Variants in ARF4 observed in about 807,000 individuals in gnomAD.
ARF4 encodes the protein ADP-ribosylation factor 4.
Under a neutral mutation model 24.3 loss-of-function variants are expected in ARF4, and 5 were observed. The observed-to-expected ratio is 0.21, with a 90% CI of 0.11 to 0.43. The LOEUF is 0.43. Ranked by LOEUF, ARF4 falls within the 20% of genes least tolerant of loss-of-function variation. The pLI, the probability that ARF4 is intolerant of heterozygous loss-of-function variation, is 1.00. For synonymous variants in ARF4, 62 were observed against 73.5 expected, an observed-to-expected ratio of 0.84 and a Z score of 0.80; for missense variants, 107 against 213.0, an observed-to-expected ratio of 0.50 and a Z score of 3.10.
rs539080074 is a variant in ARF4 at position 57,571,484 on chromosome 3, C to T, written c.*728G>A. 1 of 152,656 alleles carries T rather than the reference C, an allele frequency of 6.6e-6. No individual in the cohort carries two copies. The highest frequency in any genetic ancestry group is 1.5e-5 in the Non-Finnish European group (1 of 68,018). The allele number at this position is 152,656 out of a possible 1,614,324, so 9.5% of individuals were successfully genotyped here. ...AGATATGTCTGCCCAATAAACAAAA[C>T]ATCAGCAGAACTATCATATACTGAG... On this transcript the variant is annotated 3_prime_UTR_variant, in exon 6 of 6. Transcript: ENST00000303436.
chr3:57,572,479 G>A (rs1462735274), intron 5 of ARF4, among the ~76,000 whole-genome samples, 181 bp from the exon 6 acceptor site: 4 of 152,148 alleles, frequency 2.6e-5, no homozygotes, highest in African/African-American at 9.7e-5. Flanking sequence ...CCAGCACTTT[G>A]GGAGGCGGAG....
intron 5 of ARF4, among the ~76,000 whole-genome samples, chr3:57,572,571 A>G (rs2069853767): frequency 6.6e-6 from 1 of 152,104 alleles, no homozygotes; most frequent in Admixed American, 6.5e-5. Flanking sequence ...TTTAGATTAA[A>G]TTATTTTTTA....
At chr3:57,576,504 CTTTTT>C (rs376750506) in intron 4 of ARF4, among the ~76,000 whole-genome samples, 5 of 101,600 alleles carry the variant, frequency 4.9e-5, no homozygotes, top group Non-Finnish European at 7.9e-5. Context: ...CTCAACCAAG[CTTTTT>C]TTTTTTTTTT....
chr3:57,575,088 G>A (rs892351511), intron 5 of ARF4, among the ~76,000 whole-genome samples: 2 of 150,614 alleles, frequency 1.3e-5, no homozygotes, highest in Non-Finnish European at 3.0e-5. Flanking sequence ...GACCTCAGAT[G>A]ATCTGCTCAC....
In ARF4 at chr3:57,577,222, GT is replaced by G. The variant is rs1007571781; in HGVS notation, c.330+93del. ...TTTCTAGCCCCCCCAATCCATTTGT[GT>G]AATCTAATCATAGTCAAAATGTACT... On this transcript the variant is annotated intron_variant, in intron 4 of 5. Transcript: ENST00000303436. 6 of 1,011,838 alleles carry G rather than the reference GT, an allele frequency of 5.9e-6. No individual in the cohort carries two copies. In the African/African-American group the frequency reaches 9.7e-5, roughly 16 times the overall value. 62.7% of individuals were successfully genotyped at this position (1,011,838 alleles called of 1,614,324 possible).
At chr3:57,586,978 C>T (rs1315795372) in intron 1 of ARF4, among the ~76,000 whole-genome samples, 2 of 152,000 alleles carry the variant, frequency 1.3e-5, no homozygotes, top group Non-Finnish European at 2.9e-5. Context: ...ACTATGGTAC[C>T]TGCCAGTTAT....
Position 57,575,663 on chromosome 3 carries a change from T to C in ARF4, c.341A>G (p.Asp114Gly). The change falls in exon 5 of 6, where the codon GAT (aspartate) becomes GGT (glycine). Residue 114 changes from aspartate to glycine, a missense_variant. Physicochemically the swap from Asp to Gly is moderately conservative, Grantham distance 94. Coordinates refer to ENST00000303436, the MANE Select transcript of ARF4 (RefSeq NM_001660.4). ...ADELQKMLLV[D>G]ELRDAVLLLF... is the part of the protein sequence containing the mutation. ...TAGCAGCACTGCATCTCTCAATTCA[T>C]CTACCAGAAGCTGGAAATAAAAGGT... 1.9e-6 allele frequency: 3 copies of C among 1,607,754 alleles called. No homozygotes were observed. Among genetic ancestry groups the C allele is most frequent in the Non-Finnish European group, 2.5e-6 (3 of 1,178,040 alleles).
At chr3:57,590,134 A>G (rs2070093025) in intron 1 of ARF4, among the ~76,000 whole-genome samples, 1 of 143,994 alleles carries the variant, frequency 6.9e-6, no homozygotes, top group Non-Finnish European at 1.5e-5. Flanking sequence ...TAAATAAATA[A>G]AACAAAAAAC....
intron 3 of ARF4, among the ~76,000 whole-genome samples, chr3:57,579,588 C>G (rs566235175): frequency 6.0e-4 from 91 of 152,106 alleles, no homozygotes; most frequent in South Asian, 1.5e-3. Context: ...GCGCCCAGCC[C>G]CATCCTACAT....
At chr3:57,586,955 GCA>G (rs1406079771) in intron 1 of ARF4, among the ~76,000 whole-genome samples, 4 of 151,120 alleles carry the variant, frequency 2.6e-5, no homozygotes, top group East Asian at 1.9e-4. Flanking sequence ...ACACACACAC[GCA>G]CACACACAAA....
chr3:57,586,543 G>A (rs1423580113), intron 1 of ARF4, among the ~76,000 whole-genome samples: 1 of 151,962 alleles, frequency 6.6e-6, no homozygotes, highest in Admixed American at 6.6e-5. Context: ...TTATTCCTTT[G>A]TCCTGTAAAA....
chr3:57,597,144 G>A lies in ARF4; in HGVS notation c.-4C>T, dbSNP rs1042909947. 1.2e-6 allele frequency: 2 copies of A among 1,613,652 alleles called. No homozygotes were observed. Among genetic ancestry groups the A allele is most frequent in the African/African-American group, 1.3e-5 (1 of 74,940 alleles). ...GGGAGGAGATAGTGAGGCCCATGGC[G>A]GTAGTGGCACTTGTGATGGGCAGAA... On this transcript the variant is annotated 5_prime_UTR_variant, in exon 1 of 6. Coordinates refer to ENST00000303436, the MANE Select transcript of ARF4 (RefSeq NM_001660.4).
chr3:57,591,302 C>T (rs529472960), intron 1 of ARF4, among the ~76,000 whole-genome samples: 16 of 151,884 alleles, frequency 1.1e-4, no homozygotes, highest in African/African-American at 3.6e-4. Context: ...TAATTTTTAT[C>T]ATCTGATGAA....
intron 1 of ARF4, among the ~76,000 whole-genome samples, chr3:57,593,117 T>C (rs11130593): frequency 0.17 from 26,311 of 152,078 alleles, 2,782 homozygotes; most frequent in East Asian, 0.48. Flanking sequence ...GCAGGAGGGA[T>C]TGCTTGAATC....
At chr3:57,591,134 C>G (rs985306203) in intron 1 of ARF4, among the ~76,000 whole-genome samples, 2 of 152,158 alleles carry the variant, frequency 1.3e-5, no homozygotes, top group South Asian at 4.1e-4. Flanking sequence ...GGGATGTAAA[C>G]GAGGATGTAA....
chr3:57,596,638 C>G (rs1289347137), intron 1 of ARF4: 1 of 187,032 alleles, frequency 5.3e-6, no homozygotes, highest in East Asian at 1.7e-4. Context: ...AGGGACTGTA[C>G]ACGAAACGCA....
intron 5 of ARF4, among the ~76,000 whole-genome samples, chr3:57,573,213 A>AG (rs2069861564): frequency 6.6e-6 from 1 of 151,446 alleles, no homozygotes; most frequent in Admixed American, 6.6e-5. Context: ...AAAAAAAAAA[A>AG]AAGAAAGAAA....
intron 1 of ARF4, among the ~76,000 whole-genome samples, chr3:57,590,290 G>A (rs1000012709): frequency 2.6e-5 from 4 of 151,550 alleles, no homozygotes; most frequent in Non-Finnish European, 5.9e-5. Context: ...TTTGAGACCA[G>A]CCTGGCCAAG....
At chr3:57,574,086 T>C (rs1267890891) in intron 5 of ARF4, among the ~76,000 whole-genome samples, 1 of 152,210 alleles carries the variant, frequency 6.6e-6, no homozygotes, top group Non-Finnish European at 1.5e-5. Context: ...GGCTTGCAGA[T>C]GCCTGCCACT....
Sources: allele counts gnomAD v4.1 joint callset (sites outside exome capture counted in the v4.1 genomes callset), GRCh38; gene constraint gnomAD v4.1.1; transcripts MANE v1.5; gene names NCBI Gene and HGNC (gene_info 2026-07-23, HGNC 2026-07-21).